Variants in ZNF804B observed in about 807,000 individuals in gnomAD.
The protein encoded by ZNF804B is zinc finger 804B.
A neutral mutation model predicts 101.4 loss-of-function variants in ZNF804B; 80 were observed. That is an observed-to-expected ratio of 0.79 (90% CI 0.66 to 0.95). The LOEUF (loss-of-function observed/expected upper bound fraction) is 0.95, where lower values mean the gene tolerates loss of function less well. Ranked by LOEUF, ZNF804B falls within the 40% of genes least tolerant of loss-of-function variation. The probability of loss-of-function intolerance (pLI) is 0.00; values close to 1 mark genes in which losing one functional copy is unlikely to be tolerated. For missense variants in ZNF804B, 1,673 were observed against 1,561.9 expected (o/e 1.07, Z -1.20); for synonymous variants, 622 against 558.8 (o/e 1.11, Z -1.59).
intron 2 of ZNF804B, among the ~76,000 whole-genome samples, chr7:89,219,948 TATA>T (rs1788962099): frequency 6.8e-6 from 1 of 146,804 alleles, no homozygotes; most frequent in African/African-American, 2.5e-5. Context: ...TATATATGTA[TATA>T]CATATATGTG....
chr7:88,942,469 G>T (rs1584029665), intron 1 of ZNF804B, among the ~76,000 whole-genome samples: 1 of 150,482 alleles, frequency 6.6e-6, no homozygotes, highest in Admixed American at 6.7e-5. Context: ...AGTGAAGGGA[G>T]ATTATGTTTT....
At chr7:88,893,292 A>G (rs983797739) in intron 1 of ZNF804B, among the ~76,000 whole-genome samples, 1 of 152,124 alleles carries the variant, frequency 6.6e-6, no homozygotes, top group African/African-American at 2.4e-5. Flanking sequence ...TTTCAAAAAT[A>G]TGTCATCTAC....
At chr7:89,224,750 GTA>G (rs1159901947) in intron 2 of ZNF804B, among the ~76,000 whole-genome samples, 2,010 of 95,460 alleles carry the variant, frequency 0.021, 37 homozygotes, top group African/African-American at 0.072. Context: ...GTGTGTGTGT[GTA>G]TGAGTGTGTG....
chr7:89,008,380 C>T (rs1788401390), intron 1 of ZNF804B, among the ~76,000 whole-genome samples: 1 of 152,172 alleles, frequency 6.6e-6, no homozygotes, highest in South Asian at 2.1e-4. Flanking sequence ...CGCCATTTCA[C>T]TGAGAATTTC....
intron 1 of ZNF804B, among the ~76,000 whole-genome samples, chr7:89,007,931 A>G (rs1316622167): frequency 6.6e-6 from 1 of 152,064 alleles, no homozygotes; most frequent in African/African-American, 2.4e-5. Flanking sequence ...TCAGTTTTCT[A>G]GAAAAGGAAA....
chr7:89,071,781 T>TACAC lies in ZNF804B; in HGVS notation c.109-146354_109-146351dup, dbSNP rs36061852. Among the ~76,000 whole-genome samples, 959 of 147,640 alleles carry TACAC rather than the reference T, an allele frequency of 6.5e-3. 7 individuals are homozygous for TACAC. The highest frequency in any genetic ancestry group is 0.015 in the African/African-American group (573 of 39,024). ...GTAGATATTTATGCACACACAAATG[T>TACAC]ACACACACACACACACACACACATT... On this transcript the variant is annotated intron_variant, in intron 1 of 3. Transcript: ENST00000333190.
In ZNF804B at chr7:89,324,607, C is replaced by CTT. The variant is rs35905388; in HGVS notation, c.250-2720_250-2719dup. 7.6e-4 allele frequency among the ~76,000 whole-genome samples: 83 copies of CTT among 109,550 alleles called. 1 individual carries two copies. Among genetic ancestry groups the CTT allele is most frequent in the Admixed American group, 3.3e-3 (36 of 10,770 alleles). 71.9% of individuals were successfully genotyped at this position (109,550 alleles called of 152,430 possible). On this transcript the variant is annotated intron_variant, in intron 2 of 3. Transcript: ENST00000333190. ...TTGTCCAGTCTACCTTACCTTCTTACTTTTTTTTTTTTTTTTTTGCATTTT... is the reference window on the plus strand; with the variant it reads ...TTGTCCAGTCTACCTTACCTTCTTACTTTTTTTTTTTTTTTTTTTTGCATTTT...
At chr7:88,958,356 C>G (rs1027798509) in intron 1 of ZNF804B, among the ~76,000 whole-genome samples, 1 of 151,428 alleles carries the variant, frequency 6.6e-6, no homozygotes, top group African/African-American at 2.4e-5. Flanking sequence ...GACAAATACA[C>G]AATTCAACAA....
At position 88,830,764 on chromosome 7, in the gene ZNF804B, A is replaced by G. The variant is rs1338604206; in HGVS notation, c.108+70680A>G. Among the ~76,000 whole-genome samples the G allele has an allele frequency of 2.0e-5, 3 of 151,766 alleles. 1 individual carries two copies. The Middle Eastern group carries it at 9.6e-3, about 483-fold the overall frequency. On this transcript the variant is annotated intron_variant, in intron 1 of 3. Coordinates refer to ENST00000333190, the MANE Select transcript of ZNF804B (RefSeq NM_181646.5). ...TTTGTGTGGGTGCATATGTGTGTGT[A>G]TTTCTTTGAAATTTTATCTTCAATG...
chr7:88,856,385 A>G (rs1425059108), intron 1 of ZNF804B, among the ~76,000 whole-genome samples: 1 of 152,080 alleles, frequency 6.6e-6, no homozygotes, highest in Non-Finnish European at 1.5e-5. Flanking sequence ...ATGGGAGTTC[A>G]CTCATGATTT....
At chr7:89,015,686 A>G (rs1426316097) in intron 1 of ZNF804B, among the ~76,000 whole-genome samples, 1 of 152,132 alleles carries the variant, frequency 6.6e-6, no homozygotes. Flanking sequence ...TTATGGCTGC[A>G]TAGTATTCCA....
intron 1 of ZNF804B, among the ~76,000 whole-genome samples, chr7:89,050,238 T>G (rs2116263993): frequency 6.6e-6 from 1 of 152,240 alleles, no homozygotes; most frequent in African/African-American, 2.4e-5. Context: ...ATATAAAATT[T>G]TATCCATTAA....
intron 3 of ZNF804B, among the ~76,000 whole-genome samples, chr7:89,328,924 G>A (rs537934920): frequency 6.6e-6 from 1 of 151,868 alleles, no homozygotes; most frequent in East Asian, 1.9e-4. Context: ...AATCAGAGGT[G>A]CCTTGCTGAT....
At chr7:89,297,665 T>C (rs1465863194) in intron 2 of ZNF804B, among the ~76,000 whole-genome samples, 2 of 152,146 alleles carry the variant, frequency 1.3e-5, no homozygotes, top group African/African-American at 4.8e-5. Flanking sequence ...CAAAGAACTC[T>C]CATATATCCC....
chr7:88,994,536 T>G (rs964436332), intron 1 of ZNF804B, among the ~76,000 whole-genome samples: 5 of 152,098 alleles, frequency 3.3e-5, no homozygotes, highest in Non-Finnish European at 5.9e-5. Context: ...ACTGTAGCCT[T>G]TGGCTACTTA....
intron 1 of ZNF804B, among the ~76,000 whole-genome samples, chr7:88,900,025 A>G (rs1184596746): frequency 6.6e-6 from 1 of 152,180 alleles, no homozygotes; most frequent in Non-Finnish European, 1.5e-5. Flanking sequence ...TGAATAGTAC[A>G]GTGAAACAGT....
At chr7:88,913,412 G>A (rs1468757751) in intron 1 of ZNF804B, among the ~76,000 whole-genome samples, 2 of 151,764 alleles carry the variant, frequency 1.3e-5, no homozygotes, top group Non-Finnish European at 2.9e-5. Flanking sequence ...CTTTTTCTTC[G>A]AGATGGAGTT....
intron 2 of ZNF804B, among the ~76,000 whole-genome samples, chr7:89,312,085 C>T (rs1790656304): frequency 2.6e-5 from 4 of 152,060 alleles, no homozygotes; most frequent in Admixed American, 2.6e-4. Flanking sequence ...GTGTGGCTTG[C>T]CTGGGGCACA....
chr7:89,154,588 G>A (rs1790926986), intron 1 of ZNF804B, among the ~76,000 whole-genome samples: 1 of 152,096 alleles, frequency 6.6e-6, no homozygotes, highest in Non-Finnish European at 1.5e-5. Context: ...AGATCATTAT[G>A]TTAAGTGAAA....
Sources: gnomAD v4.1 joint callset for allele counts (sites outside exome capture counted in the v4.1 genomes callset) on GRCh38, gnomAD v4.1.1 for gene constraint, MANE v1.5 for transcripts, NCBI Gene and HGNC (gene_info 2026-07-23, HGNC 2026-07-21) for gene names.